Variants in ZNF385D observed in about 807,000 individuals in gnomAD.
ZNF385D encodes zinc finger protein 659.
Under a neutral mutation model 35.8 loss-of-function variants are expected in ZNF385D, and 15 were observed. That is an observed-to-expected ratio of 0.42 (90% CI 0.28 to 0.64). ZNF385D has a LOEUF of 0.64. Among genes scored for constraint, ZNF385D ranks in the 30% least tolerant of loss-of-function variants. The pLI, the probability that ZNF385D is intolerant of heterozygous loss-of-function variation, is 0.23. For synonymous variants in ZNF385D, 212 were observed against 186.8 expected (o/e 1.13, Z -1.10); for missense variants, 474 against 494.6 (o/e 0.96, Z 0.39).
chr3:21,800,007 C>G (rs555257889), intron 3 of ZNF385D, among the ~76,000 whole-genome samples: 1 of 152,196 alleles, frequency 6.6e-6, no homozygotes, highest in African/African-American at 2.4e-5. Context: ...TTGAAAAGAC[C>G]ATTATTTCCA....
At chr3:21,575,526 C>T (rs1335083510) in intron 2 of ZNF385D, among the ~76,000 whole-genome samples, 2 of 152,288 alleles carry the variant, frequency 1.3e-5, no homozygotes, top group East Asian at 1.9e-4. Flanking sequence ...ACACCAAGCT[C>T]TCTTTTACCT....
intron 2 of ZNF385D, among the ~76,000 whole-genome samples, chr3:22,294,975 A>G (rs1001113270): frequency 1.3e-5 from 2 of 152,048 alleles, no homozygotes; most frequent in Non-Finnish European, 2.9e-5. Flanking sequence ...CTATCTCTGT[A>G]TATCTATTTA....
chr3:22,081,238 T>C (rs1230828877), intron 3 of ZNF385D, among the ~76,000 whole-genome samples: 1 of 152,174 alleles, frequency 6.6e-6, no homozygotes, highest in Non-Finnish European at 1.5e-5. Context: ...CATCCTATCT[T>C]ATTTTGTATT....
intron 2 of ZNF385D, among the ~76,000 whole-genome samples, chr3:22,295,623 G>A (rs911206424): frequency 6.6e-6 from 1 of 152,090 alleles, no homozygotes; most frequent in African/African-American, 2.4e-5. Flanking sequence ...GCTGAACTAG[G>A]TAAATGAGGT....
Position 21,897,152 on chromosome 3 carries a change from G to A in ZNF385D, c.326-232124C>T, listed in dbSNP as rs149352087. Among the ~76,000 whole-genome samples, 3 of 152,268 alleles carry A rather than the reference G, an allele frequency of 2.0e-5. No homozygotes were observed. The East Asian group carries it at 5.8e-4, about 29-fold the overall frequency. On this transcript the variant is annotated intron_variant, in intron 3 of 5. Transcript: ENST00000494108. ...AGTCTTGCCCCTTTCGACTCTGCTA[G>A]TTTGGAGGGGTTTTTTACTACCTGA... is the stretch of plus-strand genomic sequence containing the variant.
rs967546282 is a variant in ZNF385D at position 21,432,778 on chromosome 3, C to G, written c.673+4192G>C. Among the ~76,000 whole-genome samples, 6 of 70,350 alleles carry G rather than the reference C, an allele frequency of 8.5e-5. No individual in the cohort carries two copies. The Admixed American group carries it at 1.2e-3, about 14-fold the overall frequency. 46.2% of individuals were successfully genotyped at this position (70,350 alleles called of 152,430 possible). ...ACTAGTTAGCTCAAAAGAGGTACTT[C>G]CCTTTCCAAATTAAAAAAAAAAAAA... On this transcript the variant is annotated intron_variant, in intron 5 of 7. Coordinates refer to ENST00000281523, the MANE Select transcript of ZNF385D (RefSeq NM_024697.3).
intron 3 of ZNF385D, among the ~76,000 whole-genome samples, chr3:22,030,163 TG>T (rs1697847509): frequency 6.7e-6 from 1 of 149,910 alleles, no homozygotes; most frequent in Admixed American, 6.7e-5. Context: ...TCTTCAGTTT[TG>T]GGACTTGGAC....
intron 3 of ZNF385D, among the ~76,000 whole-genome samples, chr3:21,844,398 G>T (rs959215455): frequency 5.0e-5 from 7 of 139,830 alleles, no homozygotes; most frequent in Admixed American, 3.4e-4. Context: ...CTTTCTTGGG[G>T]ATTTTGATGA....
At chr3:21,444,122 C>G (rs1702010817) in intron 4 of ZNF385D, among the ~76,000 whole-genome samples, 1 of 149,548 alleles carries the variant, frequency 6.7e-6, no homozygotes, top group African/African-American at 2.5e-5. Context: ...CTCTGTCACC[C>G]AGGCTGGAGT....
At chr3:21,770,431 T>C (rs753192406) in intron 3 of ZNF385D, among the ~76,000 whole-genome samples, 12 of 152,032 alleles carry the variant, frequency 7.9e-5, no homozygotes, top group African/African-American at 1.7e-4. Flanking sequence ...GGGCAAAGTA[T>C]ATGAACAGAC....
chr3:22,021,818 C>A (rs1697239575), intron 3 of ZNF385D, among the ~76,000 whole-genome samples: 1 of 152,040 alleles, frequency 6.6e-6, no homozygotes, highest in African/African-American at 2.4e-5. Context: ...TCAGGAATTA[C>A]TGATGCTTTG....
intron 1 of ZNF385D, among the ~76,000 whole-genome samples, chr3:21,687,143 G>T (rs2067131464): frequency 6.6e-6 from 1 of 152,108 alleles, no homozygotes; most frequent in Non-Finnish European, 1.5e-5. Context: ...TATACAAACG[G>T]AGAACCCAGA....
At chr3:21,689,854 T>G (rs1012033492) in intron 1 of ZNF385D, among the ~76,000 whole-genome samples, 1 of 147,362 alleles carries the variant, frequency 6.8e-6, no homozygotes, top group Admixed American at 6.9e-5. Flanking sequence ...CAGATTAAAT[T>G]GAGAACGTCT....
In ZNF385D at chr3:21,732,446, G is replaced by C. The variant is rs375436245; in HGVS notation, c.22+18449C>G. Reference sequence around the variant, plus strand: ...GGATCATATGGTAAAAAGAAGTTTAGTTTTGTAAGAAACTGCCAAACTGTC... The same window carrying C: ...GGATCATATGGTAAAAAGAAGTTTACTTTTGTAAGAAACTGCCAAACTGTC... On this transcript the variant is annotated intron_variant, in intron 1 of 7. Transcript: ENST00000281523. Among the ~76,000 whole-genome samples the C allele has an allele frequency of 1.4e-4, 21 of 152,212 alleles. No homozygotes were observed. In the East Asian group the frequency reaches 2.9e-3, roughly 21 times the overall value.
At position 22,368,333 on chromosome 3, in the gene ZNF385D, G is replaced by A. The variant is rs185248142; in HGVS notation, c.106+4117C>T. 4.1e-3 allele frequency among the ~76,000 whole-genome samples: 628 copies of A among 152,230 alleles called. 7 individuals are homozygous for A. Among genetic ancestry groups the A allele is most frequent in the Non-Finnish European group, 6.7e-3 (457 of 68,000 alleles). On this transcript the variant is annotated intron_variant, in intron 2 of 5. Transcript: ENST00000494108. ...TACTAGAAGTAGTACAGAATTATCT[G>A]AATATGATTGAAACCACATTTATAA...
intron 3 of ZNF385D, among the ~76,000 whole-genome samples, chr3:22,082,994 T>C (rs779739986): frequency 6.6e-6 from 1 of 152,156 alleles, no homozygotes; most frequent in Non-Finnish European, 1.5e-5. Context: ...TGCTGACTGT[T>C]AGAAGAAAAA....
chr3:22,059,862 T>C (rs1032031560), intron 3 of ZNF385D, among the ~76,000 whole-genome samples: 1 of 152,166 alleles, frequency 6.6e-6, no homozygotes, highest in African/African-American at 2.4e-5. Context: ...TTCTGGAAGA[T>C]TAGCATTTGA....
intron 3 of ZNF385D, among the ~76,000 whole-genome samples, chr3:22,003,137 T>A (rs1695955926): frequency 6.6e-6 from 1 of 152,172 alleles, no homozygotes; most frequent in Non-Finnish European, 1.5e-5. Context: ...AAATTGTCCT[T>A]CTTCGCAGAT....
intron 3 of ZNF385D, among the ~76,000 whole-genome samples, chr3:22,093,527 AAC>A (rs1182538575): frequency 6.6e-6 from 1 of 152,076 alleles, no homozygotes; most frequent in Non-Finnish European, 1.5e-5. Context: ...ATAAGCAAAA[AAC>A]AGTTTGAAAA....
Sources: allele counts gnomAD v4.1 joint callset (sites outside exome capture counted in the v4.1 genomes callset), GRCh38; gene constraint gnomAD v4.1.1; transcripts MANE v1.5; gene names NCBI Gene and HGNC (gene_info 2026-07-23, HGNC 2026-07-21).